DLG2: variants seen among roughly 807,000 people sequenced by gnomAD.
DLG2 encodes disks large homolog 2.
A neutral mutation model predicts 132.5 loss-of-function variants in DLG2; 45 were observed. The observed-to-expected ratio is 0.34, with a 90% CI of 0.27 to 0.44. The LOEUF (loss-of-function observed/expected upper bound fraction) is 0.44, where lower values mean the gene tolerates loss of function less well. DLG2 is among the 20% of genes least tolerant of loss of function. DLG2 has a pLI of 1.00. For synonymous variants in DLG2, 424 were observed against 419.6 expected (o/e 1.01, Z -0.13); for missense variants, 1,045 against 1,196.9 (o/e 0.87, Z 1.87).
chr11:84,483,715 C>T (rs2099143922), intron 7 of DLG2, among the ~76,000 whole-genome samples: 1 of 151,968 alleles, frequency 6.6e-6, no homozygotes, highest in South Asian at 2.1e-4. Context: ...TTTTGAATTG[C>T]AAAATGAAGA....
intron 7 of DLG2, among the ~76,000 whole-genome samples, chr11:84,447,919 T>G (rs780369384): frequency 8.8e-4 from 134 of 152,110 alleles, no homozygotes; most frequent in Non-Finnish European, 1.6e-3. Context: ...ACGAGCAATG[T>G]AGAAAAATAT....
intron 4 of DLG2, among the ~76,000 whole-genome samples, chr11:85,158,835 C>T (rs2077802668): frequency 6.6e-6 from 1 of 152,032 alleles, no homozygotes; most frequent in African/African-American, 2.4e-5. Flanking sequence ...GATAGGAAGC[C>T]TACTGCATTC....
At chr11:85,194,454 T>A (rs2080877849) in intron 4 of DLG2, among the ~76,000 whole-genome samples, 1 of 152,126 alleles carries the variant, frequency 6.6e-6, no homozygotes, top group Non-Finnish European at 1.5e-5. Context: ...CAAAGAACAG[T>A]ATTTACCCAT....
intron 18 of DLG2, among the ~76,000 whole-genome samples, chr11:83,703,668 C>A (rs2083370528): frequency 6.6e-6 from 1 of 152,090 alleles, no homozygotes; most frequent in South Asian, 2.1e-4. Flanking sequence ...TCAACAAAAA[C>A]CAAAGTTTTC....
intron 3 of DLG2, among the ~76,000 whole-genome samples, chr11:85,407,488 A>G (rs568297965): frequency 2.6e-5 from 4 of 151,992 alleles, no homozygotes; most frequent in African/African-American, 7.2e-5. Context: ...AAACAACCAA[A>G]CAACTGCTGT....
At chr11:83,744,688 C>T (rs1222931140) in intron 18 of DLG2, among the ~76,000 whole-genome samples, 4 of 152,084 alleles carry the variant, frequency 2.6e-5, no homozygotes, top group Non-Finnish European at 5.9e-5. Context: ...GTTACCACTT[C>T]AATTTCATAG....
intron 7 of DLG2, among the ~76,000 whole-genome samples, chr11:84,466,495 C>T (rs182073906): frequency 6.6e-6 from 1 of 151,278 alleles, no homozygotes; most frequent in East Asian, 2.0e-4. Context: ...CAAACGACTA[C>T]ATATAGAAAA....
At chr11:85,408,642 C>A (rs1011537069) in intron 3 of DLG2, among the ~76,000 whole-genome samples, 2 of 148,680 alleles carry the variant, frequency 1.3e-5, no homozygotes, top group Admixed American at 6.8e-5. Context: ...TGAGAACATG[C>A]GGTGTTTGGT....
chr11:83,883,974 G>C (rs190979517), intron 15 of DLG2, among the ~76,000 whole-genome samples: 1 of 146,400 alleles, frequency 6.8e-6, no homozygotes. Flanking sequence ...CAAGATGGCC[G>C]AATAGGAACA....
intron 11 of DLG2, among the ~76,000 whole-genome samples, chr11:84,052,303 C>T (rs1236930933): frequency 6.6e-6 from 1 of 151,698 alleles, no homozygotes; most frequent in Non-Finnish European, 1.5e-5. Context: ...TATATATATG[C>T]ATACATGCAT....
intron 3 of DLG2, among the ~76,000 whole-genome samples, chr11:85,322,977 C>T (rs564640628): frequency 3.9e-5 from 6 of 152,248 alleles, no homozygotes; most frequent in African/African-American, 1.2e-4. Flanking sequence ...GCACACACAA[C>T]CCCCATTGAT....
At chr11:83,894,627 C>A (rs958056451) in intron 15 of DLG2, among the ~76,000 whole-genome samples, 3 of 152,112 alleles carry the variant, frequency 2.0e-5, no homozygotes, top group African/African-American at 7.2e-5. Context: ...TCGCCTCAAC[C>A]ATTTATATTT....
chr11:84,584,552 C>A (rs2099524455), intron 6 of DLG2, among the ~76,000 whole-genome samples: 1 of 150,392 alleles, frequency 6.6e-6, no homozygotes, highest in Non-Finnish European at 1.5e-5. Flanking sequence ...GAGATGGGTT[C>A]CTGCTATGTT....
At chr11:83,660,030 T>C (rs1051511494) in intron 18 of DLG2, among the ~76,000 whole-genome samples, 1 of 152,196 alleles carries the variant, frequency 6.6e-6, no homozygotes, top group Non-Finnish European at 1.5e-5. Flanking sequence ...ACTTTACAAA[T>C]AAACGTTGTA....
At chr11:84,742,034 T>C (rs1251875178) in intron 6 of DLG2, among the ~76,000 whole-genome samples, 2 of 151,746 alleles carry the variant, frequency 1.3e-5, no homozygotes, top group Admixed American at 6.6e-5. Context: ...AAAAATACAA[T>C]TGAGAGCTTC....
chr11:84,476,846 C>T (rs959725030), intron 7 of DLG2, among the ~76,000 whole-genome samples: 1 of 152,138 alleles, frequency 6.6e-6, no homozygotes, highest in African/African-American at 2.4e-5. Flanking sequence ...TTTGTGTCTT[C>T]CCACTGAGGG....
intron 7 of DLG2, among the ~76,000 whole-genome samples, chr11:84,269,344 CTG>C (rs1363841500): frequency 1.6e-4 from 25 of 152,334 alleles, no homozygotes; most frequent in African/African-American, 4.8e-4. Flanking sequence ...GAAAAATAGA[CTG>C]TGTTTACACA....
chr11:83,567,207 T>G (rs2096724023), intron 19 of DLG2, among the ~76,000 whole-genome samples: 1 of 152,184 alleles, frequency 6.6e-6, no homozygotes. Flanking sequence ...GGCACAAGAA[T>G]GAGTCATATC....
At chr11:84,364,094 C>T (rs1600686340) in intron 7 of DLG2, among the ~76,000 whole-genome samples, 1 of 152,062 alleles carries the variant, frequency 6.6e-6, no homozygotes, top group South Asian at 2.1e-4. Flanking sequence ...TATAAATTAC[C>T]TTGGGCAGTA....
Sources: gnomAD v4.1 joint callset for allele counts (sites outside exome capture counted in the v4.1 genomes callset) on GRCh38, gnomAD v4.1.1 for gene constraint, MANE v1.5 for transcripts, NCBI Gene and HGNC (gene_info 2026-07-23, HGNC 2026-07-21) for gene names.